Variants in DOP1A observed in about 807,000 individuals in gnomAD.
DOP1A encodes the protein DOP1 leucine zipper like protein A, also known as protein DOP1A.
In DOP1A, 90 loss-of-function variants were observed where a neutral mutation model predicts 267.6. The observed-to-expected ratio is 0.34, with a 90% CI of 0.28 to 0.40. The LOEUF is 0.40. Ranked by LOEUF, DOP1A falls within the 10% of genes least tolerant of loss-of-function variation. The probability of loss-of-function intolerance (pLI) is 1.00; values close to 1 mark genes in which losing one functional copy is unlikely to be tolerated. For missense variants in DOP1A, 2,437 were observed against 2,900.4 expected (o/e 0.84, Z 3.67); for synonymous variants, 932 against 999.1 (o/e 0.93, Z 1.27).
chr6:83,100,729 C>G lies in DOP1A; in HGVS notation c.163C>G (p.Gln55Glu). ...GGTTTTACAAAATAATGCAAAGTAC[C>G]AAGTAGTACCCAAAAAGCTGACCAT... is the stretch of plus-strand genomic sequence containing the variant. ...NKVLQNNAKY[Q>E]VVPKKLTIGK... Residue 55 changes from glutamine (Q) to glutamate (E), a missense_variant, in exon 4 of 39, where the codon CAA (glutamine) becomes GAA (glutamate). Gln to Glu is a conservative substitution (Grantham distance 29, BLOSUM62 2). This residue lies in a region of DOP1A where 251 missense variants were observed against 359.1 expected (regional missense o/e 0.70). Transcript: ENST00000349129. The G allele has an allele frequency of 6.6e-7, 1 of 1,524,264 alleles. No homozygotes were observed. Among genetic ancestry groups the G allele is most frequent in the South Asian group, 1.4e-5 (1 of 72,590 alleles). The allele number at this position is 1,524,264 out of a possible 1,614,324, so 94.4% of individuals were successfully genotyped here. A position where few individuals can be genotyped will look rare whatever the true frequency, so the allele number is the denominator to read the frequency against.
chr6:83,139,847 T>C (rs1779350576), intron 21 of DOP1A, among the ~76,000 whole-genome samples, 153 bp from the exon 22 acceptor site: 1 of 152,192 alleles, frequency 6.6e-6, no homozygotes, highest in East Asian at 1.9e-4. Flanking sequence ...GATTAGGAAA[T>C]AAAAGCCCCT....
intron 4 of DOP1A, among the ~76,000 whole-genome samples, chr6:83,102,347 C>T (rs1226220498): frequency 6.6e-6 from 1 of 152,166 alleles, no homozygotes; most frequent in East Asian, 1.9e-4. Context: ...GAAGAGATGG[C>T]AGGGTCAAAC....
rs1771588745 is a variant in DOP1A, at chr6:83,096,771, A to G, written c.-106A>G. ...TAGTTATCTTTCAGGCTGTCTTTGA[A>G]TACTTCCATGACCCTGAACACTAGC... On this transcript the variant is annotated 5_prime_UTR_variant, in exon 2 of 39. Transcript: ENST00000349129. 6.6e-6 allele frequency: 3 copies of G among 451,908 alleles called. No individual in the cohort carries two copies. The highest frequency in any genetic ancestry group is 7.7e-6 in the Non-Finnish European group (2 of 260,604). The allele number at this position is 451,908 out of a possible 1,614,324, so 28.0% of individuals were successfully genotyped here. A position where few individuals can be genotyped will look rare whatever the true frequency, so the allele number is the denominator to read the frequency against.
chr6:83,085,938 C>G (rs1468244633), intron 1 of DOP1A, among the ~76,000 whole-genome samples: 1 of 152,006 alleles, frequency 6.6e-6, no homozygotes, highest in African/African-American at 2.4e-5. Flanking sequence ...TATGCAGACT[C>G]TCAAGAATAG....
At chr6:83,068,160 G>T (rs568653217) in intron 1 of DOP1A, among the ~76,000 whole-genome samples, 1 of 152,336 alleles carries the variant, frequency 6.6e-6, no homozygotes, top group South Asian at 2.1e-4. Context: ...CGATGGAGGC[G>T]TGCGGAGTAC....
chr6:83,170,377 C>T (rs200072483), downstream of DOP1A: 66 of 1,614,134 alleles, frequency 4.1e-5, 1 homozygote, highest in East Asian at 1.4e-3. Context: ...CTCGAGAAAG[C>T]TTGTACTTCT....
At chr6:83,113,021 A>G (rs72903873) in intron 6 of DOP1A, among the ~76,000 whole-genome samples, 1 of 152,272 alleles carries the variant, frequency 6.6e-6, no homozygotes, top group Non-Finnish European at 1.5e-5. Context: ...TAAATGAAAA[A>G]GGCAGGTTTG....
At chr6:83,157,152 G>C in intron 34 of DOP1A, 30 bp from the exon 35 acceptor site, 1 of 1,602,806 alleles carries the variant, frequency 6.2e-7, no homozygotes, top group Non-Finnish European at 8.5e-7. Flanking sequence ...AGATTATTTA[G>C]TTATTGAAAA....
chr6:83,147,771 C>T (rs546217291), intron 26 of DOP1A, among the ~76,000 whole-genome samples: 21 of 152,272 alleles, frequency 1.4e-4, no homozygotes, highest in Non-Finnish European at 2.6e-4. Flanking sequence ...CTATGACTAG[C>T]ATTATAAGGT....
At chr6:83,170,651 T>C, downstream of DOP1A, 4 of 593,908 alleles carry the variant, frequency 6.7e-6, no homozygotes, top group South Asian at 9.6e-5. Flanking sequence ...TCTCTTTTTC[T>C]TCAGTCTATA....
chr6:83,108,858 A>G, intron 4 of DOP1A, 52 bp from the exon 5 acceptor site: 2 of 1,500,390 alleles, frequency 1.3e-6, no homozygotes, highest in Non-Finnish European at 1.8e-6. Flanking sequence ...ATATGAATTA[A>G]TATTGTATAG....
chr6:83,102,636 A>T (rs1467117413), intron 4 of DOP1A, among the ~76,000 whole-genome samples: 1 of 152,200 alleles, frequency 6.6e-6, no homozygotes, highest in Non-Finnish European at 1.5e-5. Flanking sequence ...CCTAACATTG[A>T]TCCACCATCT....
At chr6:83,075,255 T>G (rs1384180359) in intron 1 of DOP1A, among the ~76,000 whole-genome samples, 1 of 152,216 alleles carries the variant, frequency 6.6e-6, no homozygotes, top group Non-Finnish European at 1.5e-5. Flanking sequence ...ATTGACTGTT[T>G]ACCGTGGGTC....
intron 1 of DOP1A, among the ~76,000 whole-genome samples, chr6:83,085,328 G>T (rs1443042116): frequency 6.6e-6 from 1 of 152,188 alleles, no homozygotes; most frequent in East Asian, 1.9e-4. Context: ...CATAGTATTT[G>T]CATCCCATTG....
chr6:83,129,057 A>C lies in DOP1A; in HGVS notation c.1890A>C (p.Pro630=). Residue 630 remains proline (P), a synonymous_variant, in exon 16 of 39, where the codon CCA becomes CCC. Transcript: ENST00000349129. Reference sequence around the variant, plus strand: ...AGGGCCAGGGGGCAGCTGCCATCCCAATTGGTAGCACATCCTCTGAGACAG... The same window carrying C: ...AGGGCCAGGGGGCAGCTGCCATCCCCATTGGTAGCACATCCTCTGAGACAG... The part of the protein sequence containing the change: ...LSEGQGAAAI[P]IGSTSSETET... 1.2e-6 allele frequency: 2 copies of C among 1,614,032 alleles called. No homozygotes were observed. Among genetic ancestry groups the C allele is most frequent in the Non-Finnish European group, 1.7e-6 (2 of 1,179,952 alleles).
chr6:83,164,520 C>A, intron 38 of DOP1A: 1 of 804,280 alleles, frequency 1.2e-6, no homozygotes, highest in Non-Finnish European at 2.1e-6. Flanking sequence ...GTCTTTTGCC[C>A]AAAATTTGTC....
At chr6:83,122,142 A>G (rs1488437765) in intron 11 of DOP1A, 92 bp downstream of exon 11, 5 of 1,430,312 alleles carry the variant, frequency 3.5e-6, no homozygotes, top group Admixed American at 2.1e-5. Context: ...ATCCTACTCT[A>G]TGAAGTTTGT....
chr6:83,126,024 A>G (rs1459989533), intron 15 of DOP1A, among the ~76,000 whole-genome samples: 1 of 151,882 alleles, frequency 6.6e-6, no homozygotes, highest in Non-Finnish European at 1.5e-5. Flanking sequence ...TATTTGGACA[A>G]TTGTAGCCAA....
Position 83,129,225 on chromosome 6 carries a change from C to T in DOP1A, c.2058C>T (p.Thr686=), listed in dbSNP as rs1777652982. Residue 686 remains threonine, a synonymous_variant, in exon 16 of 39, where the codon ACC becomes ACT. Coordinates refer to ENST00000349129, the MANE Select transcript of DOP1A (RefSeq NM_015018.4). The stretch of plus-strand genomic sequence containing the variant: ...TGGAGTATGTCCAACAGTTTCTTAC[C>T]AGACTTATCAACCTCTACATCATTC... ...CCLEYVQQFL[T]RLINLYIIQN... The T allele has an allele frequency of 5.0e-6, 8 of 1,613,392 alleles. No homozygotes were observed. In the East Asian group the frequency reaches 1.8e-4, roughly 36 times the overall value.
Sources: allele counts gnomAD v4.1 joint callset (sites outside exome capture counted in the v4.1 genomes callset), GRCh38; gene constraint gnomAD v4.1.1; regional missense constraint gnomAD v4.1.1; transcripts MANE v1.5; gene names NCBI Gene and HGNC (gene_info 2026-07-23, HGNC 2026-07-21).